The following PCDHGB7 variants were observed in gnomAD, a reference collection of about 807,000 sequenced individuals.
PCDHGB7 encodes the protein protocadherin gamma subfamily B, 7.
A neutral mutation model predicts 61.4 loss-of-function variants in PCDHGB7; 37 were observed. That is an observed-to-expected ratio of 0.60 (90% CI 0.46 to 0.79). The LOEUF is 0.79. Ranked by LOEUF, PCDHGB7 falls within the 30% of genes least tolerant of loss-of-function variation. The pLI, the probability that PCDHGB7 is intolerant of heterozygous loss-of-function variation, is 0.00. For synonymous variants in PCDHGB7, 464 were observed against 503.5 expected (o/e 0.92, Z 1.05); for missense variants, 1,166 against 1,202.5 (o/e 0.97, Z 0.45).
intron 1 of PCDHGB7, among the ~76,000 whole-genome samples, chr5:141,450,005 T>A (rs1439257597): frequency 1.0e-5 from 1 of 99,604 alleles, no homozygotes; most frequent in Non-Finnish European, 1.8e-5. Context: ...TTGCCATGTC[T>A]CTTTTTTTTT....
chr5:141,510,804 T>C (rs965530116), intron 3 of PCDHGB7, 143 bp from the exon 4 acceptor site: 2 of 1,504,768 alleles, frequency 1.3e-6, no homozygotes, highest in Admixed American at 2.0e-5. Flanking sequence ...AGAGACTACC[T>C]TGGTGACCCC....
intron 1 of PCDHGB7, among the ~76,000 whole-genome samples, chr5:141,425,293 T>A (rs1332220576): frequency 1.3e-5 from 2 of 152,172 alleles, no homozygotes; most frequent in African/African-American, 4.8e-5. Context: ...TTATAAAACC[T>A]CATCTAAACT....
intron 2 of PCDHGB7, 141 bp downstream of exon 2, chr5:141,495,006 G>C (rs1030195663): frequency 2.0e-6 from 3 of 1,521,446 alleles, no homozygotes; most frequent in Non-Finnish European, 8.8e-7. Flanking sequence ...CTTGGTGTGC[G>C]GGGGGCTGGC....
Position 141,427,654 on chromosome 5 carries a change from TCCACGTGGC to T in PCDHGB7, c.2415+7382_2415+7390del, listed in dbSNP as rs562748605. On this transcript the variant is annotated intron_variant, in intron 1 of 3. Coordinates refer to ENST00000398594, the MANE Select transcript of PCDHGB7 (RefSeq NM_018927.4). ...GTTTTCCACCAAGTCTCCTACGTGG[TCCACGTGGC>T]CGAAAACAACCTTCCCGGAGCCTCC... 2.0e-4 allele frequency: 148 copies of T among 727,622 alleles called. No individual in the cohort carries two copies. The African/African-American group carries it at 2.4e-3, about 12-fold the overall frequency. The allele number at this position is 727,622 out of a possible 1,614,324, so 45.1% of individuals were successfully genotyped here.
At chr5:141,456,306 G>C (rs937409031) in intron 1 of PCDHGB7, among the ~76,000 whole-genome samples, 1 of 152,158 alleles carries the variant, frequency 6.6e-6, no homozygotes, top group Non-Finnish European at 1.5e-5. Context: ...GAGAACAGCA[G>C]CTAGGGCTCC....
intron 1 of PCDHGB7, among the ~76,000 whole-genome samples, chr5:141,456,179 A>G (rs1161415053): frequency 6.6e-6 from 1 of 151,860 alleles, no homozygotes; most frequent in Non-Finnish European, 1.5e-5. Context: ...TTACAGAATA[A>G]TTTCTTAATA....
rs1433790348 is a variant in PCDHGB7, at chr5:141,431,831, G to A, written c.2415+11557G>A. The A allele has an allele frequency of 1.2e-6, 2 of 1,614,110 alleles. No homozygotes were observed. The highest frequency in any genetic ancestry group is 1.7e-6 in the Non-Finnish European group (2 of 1,180,040). On this transcript the variant is annotated intron_variant, in intron 1 of 3. Transcript: ENST00000398594. The surrounding 1 kb of genome is among the most constrained non-coding windows in gnomAD (Gnocchi z 4.8). Reference sequence around the variant, plus strand: ...CACCTCTCTCGCCAGCTCGGTTCCCGAAAACTCTCCCAGAGGGACATTAAT... The same window carrying A: ...CACCTCTCTCGCCAGCTCGGTTCCCAAAAACTCTCCCAGAGGGACATTAAT...
At chr5:141,426,678 T>C (rs2096951425) in intron 1 of PCDHGB7, 2 of 431,490 alleles carry the variant, frequency 4.6e-6, no homozygotes, top group Admixed American at 5.1e-5. Flanking sequence ...CCCACCTCAT[T>C]TTCCCCAAAA....
chr5:141,485,009 C>A lies in PCDHGB7; in HGVS notation c.2416-9798C>A, dbSNP rs531346426. 4 of 628,216 alleles carry A rather than the reference C, an allele frequency of 6.4e-6. No individual in the cohort carries two copies. Among genetic ancestry groups the A allele is most frequent in the African/African-American group, 3.7e-5 (2 of 54,100 alleles). 38.9% of individuals were successfully genotyped at this position (628,216 alleles called of 1,614,324 possible). On this transcript the variant is annotated intron_variant, in intron 1 of 3. Transcript: ENST00000398594. This position sits in a 1 kb window ranked among gnomAD's most constrained non-coding sequence, Gnocchi z 5.7. Reference sequence around the variant, plus strand: ...GGTGGTGAAAGGCAGACAAATCTACCCCGCCACCAGCAAAAACGGCGCGTA... The same window carrying A: ...GGTGGTGAAAGGCAGACAAATCTACACCGCCACCAGCAAAAACGGCGCGTA...
At position 141,463,977 on chromosome 5, in the gene PCDHGB7, T is replaced by C. The variant is rs948698340; in HGVS notation, c.2416-30830T>C. On this transcript the variant is annotated intron_variant, in intron 1 of 3. Coordinates refer to ENST00000398594, the MANE Select transcript of PCDHGB7 (RefSeq NM_018927.4). ...TTTAAAATAGCTTCATAAAACTCCA[T>C]TGTAAAAACCAGGTGCAGTGGCTCA... Among the ~76,000 whole-genome samples the C allele has an allele frequency of 2.6e-5, 4 of 152,258 alleles. 1 individual carries two copies. The highest frequency in any genetic ancestry group is 4.4e-5 in the Non-Finnish European group (3 of 68,004).
At position 141,418,800 on chromosome 5, in the gene PCDHGB7, G is replaced by A; in HGVS notation, c.941G>A (p.Arg314Lys). 6.2e-7 allele frequency: 1 copy of A among 1,613,800 alleles called. No homozygotes were observed. The highest frequency in any genetic ancestry group is 1.3e-5 in the African/African-American group (1 of 75,046). ...CCTTTGGATTTTGAAGAAGTAGAAAGATATACGATAAACATAGAAGCAAAA... is the reference window on the plus strand; with the variant it reads ...CCTTTGGATTTTGAAGAAGTAGAAAAATATACGATAAACATAGAAGCAAAA... ...QQPLDFEEVE[R>K]YTINIEAKDR... The change falls in exon 1 of 4, where the codon AGA becomes AAA. Residue 314 changes from arginine to lysine, a missense_variant. Physicochemically the swap from Arg to Lys is conservative, Grantham distance 26. Coordinates refer to ENST00000398594, the MANE Select transcript of PCDHGB7 (RefSeq NM_018927.4).
intron 1 of PCDHGB7, among the ~76,000 whole-genome samples, chr5:141,483,373 G>A (rs1410856257): frequency 6.6e-6 from 1 of 152,166 alleles, no homozygotes; most frequent in Admixed American, 6.5e-5. Flanking sequence ...TGCAATATTT[G>A]AAGAGAAGAT....
chr5:141,419,115 A>G lies in PCDHGB7; in HGVS notation c.1256A>G (p.Asn419Ser), dbSNP rs1159582360. ...GATCGGGAGCAGACCCCAGAGTACA[A>G]CGTCACCATCGCAGCCACAGACAGG... ...ALDREQTPEYNVTIAATDRGK... is the reference protein window; with the variant it reads ...ALDREQTPEYSVTIAATDRGK... Residue 419 changes from asparagine (N) to serine (S), a missense_variant, in exon 1 of 4, where the codon AAC (asparagine) becomes AGC (serine). Transcript: ENST00000398594. 6.2e-7 allele frequency: 1 copy of G among 1,613,872 alleles called. No homozygotes were observed. The highest frequency in any genetic ancestry group is 8.5e-7 in the Non-Finnish European group (1 of 1,179,886).
At chr5:141,449,818 A>G (rs1446661913) in intron 1 of PCDHGB7, among the ~76,000 whole-genome samples, 2 of 151,708 alleles carry the variant, frequency 1.3e-5, no homozygotes, top group Non-Finnish European at 2.9e-5. Flanking sequence ...GTATTTCCTA[A>G]CAAGGACATT....
chr5:141,499,322 T>C (rs1186220818), intron 2 of PCDHGB7, among the ~76,000 whole-genome samples: 1 of 152,218 alleles, frequency 6.6e-6, no homozygotes, highest in Non-Finnish European at 1.5e-5. Context: ...ACAGTATCCC[T>C]GCTCTCTCTC....
intron 1 of PCDHGB7, among the ~76,000 whole-genome samples, chr5:141,468,247 C>T (rs925455907): frequency 6.7e-6 from 1 of 149,930 alleles, no homozygotes; most frequent in Non-Finnish European, 1.5e-5. Flanking sequence ...ATTGCCTGAA[C>T]CTGGGAGGCA....
At position 141,431,574 on chromosome 5, in the gene PCDHGB7, G is replaced by T. The variant is rs1476143491; in HGVS notation, c.2415+11300G>T. The T allele has an allele frequency of 6.2e-7, 1 of 1,614,196 alleles. No homozygotes were observed. Among genetic ancestry groups the T allele is most frequent in the Admixed American group, 1.7e-5 (1 of 60,034 alleles). On this transcript the variant is annotated intron_variant, in intron 1 of 3. Transcript: ENST00000398594. This position sits in a 1 kb window ranked among gnomAD's most constrained non-coding sequence, Gnocchi z 4.8. The stretch of plus-strand genomic sequence containing the variant: ...GTCAACGCTACCGACCCTGACGAAG[G>T]AGTCAATGCGGAAGTGAGGTATTCC...
intron 1 of PCDHGB7, among the ~76,000 whole-genome samples, chr5:141,457,968 G>A (rs919621979): frequency 6.6e-6 from 1 of 152,120 alleles, no homozygotes; most frequent in African/African-American, 2.4e-5. Context: ...TTCCTTAAAG[G>A]GAAACACACC....
chr5:141,489,636 C>A lies in PCDHGB7; in HGVS notation c.2416-5171C>A, dbSNP rs753380268. 3.8e-5 allele frequency: 62 copies of A among 1,614,074 alleles called. No individual in the cohort carries two copies. The highest frequency in any genetic ancestry group is 5.1e-5 in the Non-Finnish European group (60 of 1,180,038). ...TGGATCTCAATGACAACTCTCCTAG[C>A]TTTGCCACCCCTGAGCGAGAGATGC... is the stretch of plus-strand genomic sequence containing the variant. On this transcript the variant is annotated intron_variant, in intron 1 of 3. Coordinates refer to ENST00000398594, the MANE Select transcript of PCDHGB7 (RefSeq NM_018927.4). The surrounding 1 kb of genome is among the most constrained non-coding windows in gnomAD (Gnocchi z 4.5).
Sources: gnomAD v4.1 joint callset for allele counts (sites outside exome capture counted in the v4.1 genomes callset) on GRCh38, gnomAD v4.1.1 for gene constraint, Gnocchi (gnomAD v3.1) non-coding constraint, MANE v1.5 for transcripts, NCBI Gene and HGNC (gene_info 2026-07-23, HGNC 2026-07-21) for gene names.